PHF19: variants seen among roughly 807,000 people sequenced by gnomAD.
PHF19 encodes the protein PHD finger protein 19.
In PHF19, 21 loss-of-function variants were observed where a neutral mutation model predicts 79.8. That is an observed-to-expected ratio of 0.26 (90% CI 0.19 to 0.38). The LOEUF (loss-of-function observed/expected upper bound fraction) is 0.38, where lower values mean the gene tolerates loss of function less well. Ranked by LOEUF, PHF19 falls within the 10% of genes least tolerant of loss-of-function variation. The probability of loss-of-function intolerance (pLI) is 1.00; values close to 1 mark genes in which losing one functional copy is unlikely to be tolerated. For missense variants in PHF19, 445 were observed against 744.2 expected (o/e 0.60, Z 4.68); for synonymous variants, 273 against 296.3 (o/e 0.92, Z 0.81).
upstream of PHF19, among the ~76,000 whole-genome samples, chr9:120,898,145 C>T (rs2046416907): frequency 6.6e-6 from 1 of 152,216 alleles, no homozygotes; most frequent in African/African-American, 2.4e-5. Flanking sequence ...GAGACGAAGT[C>T]TTGCTCTGTC....
intron 3 of PHF19, among the ~76,000 whole-genome samples, chr9:120,872,037 CAAAAAAAAAA>C (rs1170243737): frequency 0.054 from 1,631 of 30,216 alleles, 29 homozygotes; most frequent in African/African-American, 0.18. Flanking sequence ...GACTCTGTCT[CAAAAAAAAAA>C]AAAAAAAAAA....
intron 9 of PHF19, among the ~76,000 whole-genome samples, chr9:120,864,806 A>T (rs2045648568): frequency 6.6e-6 from 1 of 152,216 alleles, no homozygotes; most frequent in Non-Finnish European, 1.5e-5. Context: ...AAACAGAAAA[A>T]GATATACATA....
At chr9:120,880,580 G>T (rs1373563799), upstream of PHF19, among the ~76,000 whole-genome samples, 1 of 152,202 alleles carries the variant, frequency 6.6e-6, no homozygotes, top group Non-Finnish European at 1.5e-5. Context: ...AACTAAGTCT[G>T]CAGCCTCAAC....
chr9:120,895,173 T>A (rs2046390170), upstream of PHF19, among the ~76,000 whole-genome samples: 1 of 152,160 alleles, frequency 6.6e-6, no homozygotes, highest in African/African-American at 2.4e-5. Flanking sequence ...CCACGTCCAG[T>A]GCTCTTTCTA....
chr9:120,893,305 C>A (rs1448029046), intron 1 of PHF19, among the ~76,000 whole-genome samples: 1 of 152,176 alleles, frequency 6.6e-6, no homozygotes, highest in East Asian at 1.9e-4. Flanking sequence ...AATGGGGAGG[C>A]CTTCCAGAAG....
At chr9:120,873,833 A>T (rs1047388177) in intron 3 of PHF19, 146 bp downstream of exon 3, 22 of 618,594 alleles carry the variant, frequency 3.6e-5, no homozygotes, top group Non-Finnish European at 5.9e-5. Context: ...ACCAGATTTG[A>T]TCATCATCAC....
Position 120,857,165 on chromosome 9 carries a change from G to A in PHF19, c.*779C>T, listed in dbSNP as rs559315528. The A allele has an allele frequency of 7.1e-5, 10 of 141,274 alleles. No homozygotes were observed. In the South Asian group the frequency reaches 2.1e-3, roughly 29 times the overall value. The allele number at this position is 141,274 out of a possible 1,614,324, so 8.8% of individuals were successfully genotyped here. A position where few individuals can be genotyped will look rare whatever the true frequency, so the allele number is the denominator to read the frequency against. On this transcript the variant is annotated 3_prime_UTR_variant, in exon 15 of 15. Transcript: ENST00000373896. ...CCACCCCCGTCCCCCAGGTTTGGAAGGATGCCTCCATTCCAGCAAGGCCAG... is the reference window on the plus strand; with the variant it reads ...CCACCCCCGTCCCCCAGGTTTGGAAAGATGCCTCCATTCCAGCAAGGCCAG...
rs77271979 is a variant in PHF19 at position 120,861,738 on chromosome 9, A to C, written c.1218+180T>G. 4.8e-4 allele frequency among the ~76,000 whole-genome samples: 73 copies of C among 152,204 alleles called. No individual in the cohort carries two copies. In the East Asian group the frequency reaches 0.014, roughly 29 times the overall value. On this transcript the variant is annotated intron_variant, in intron 12 of 14. Coordinates refer to ENST00000373896, the MANE Select transcript of PHF19 (RefSeq NM_015651.3). ...CCCCCAACTTTGGATTCCTGGGAGAACTTGGGGGGAGATAAAGCAGGGGTC... is the reference window on the plus strand; with the variant it reads ...CCCCCAACTTTGGATTCCTGGGAGACCTTGGGGGGAGATAAAGCAGGGGTC...
Position 120,861,086 on chromosome 9 carries a change from T to C in PHF19, c.1304+3A>G. The C allele has an allele frequency of 2.6e-6, 4 of 1,564,072 alleles. No individual in the cohort carries two copies. The highest frequency in any genetic ancestry group is 3.5e-6 in the Non-Finnish European group (4 of 1,134,364). ...ACCTCTGTGCTAGGTCCCTCACTGA[T>C]ACCTTTTTAAACTTTGAATTTCATC... is the stretch of plus-strand genomic sequence containing the variant. On this transcript the variant is annotated splice_donor_region_variant and intron_variant, in intron 13 of 14. Transcript: ENST00000373896.
At position 120,869,834 on chromosome 9, in the gene PHF19, G is replaced by A. The variant is rs776113476; in HGVS notation, c.465+11C>T. The A allele has an allele frequency of 1.9e-6, 3 of 1,612,732 alleles. No homozygotes were observed. The highest frequency in any genetic ancestry group is 2.5e-6 in the Non-Finnish European group (3 of 1,179,604). On this transcript the variant is annotated intron_variant, in intron 5 of 14. Coordinates refer to ENST00000373896, the MANE Select transcript of PHF19 (RefSeq NM_015651.3). This position sits in a 1 kb window ranked among gnomAD's most constrained non-coding sequence, Gnocchi z 5.8. ...AGGAGAGGCAGGGACTGGGGAGGATGGAAGGCTCACCCGCACAGCCAGTGC... is the reference window on the plus strand; with the variant it reads ...AGGAGAGGCAGGGACTGGGGAGGATAGAAGGCTCACCCGCACAGCCAGTGC...
At position 120,855,796 on chromosome 9, in the gene PHF19, T is replaced by C. The variant is rs1322608937; in HGVS notation, c.*2148A>G. ...GGTCAGTTGGCAGTAATGCAGCTAT[T>C]ATCTGGTATGAATGAAATGCTGGGG... On this transcript the variant is annotated 3_prime_UTR_variant, in exon 15 of 15. Coordinates refer to ENST00000373896, the MANE Select transcript of PHF19 (RefSeq NM_015651.3). 6.5e-6 allele frequency: 1 copy of C among 152,700 alleles called. No individual in the cohort carries two copies. Among genetic ancestry groups the C allele is most frequent in the African/African-American group, 2.4e-5 (1 of 41,466 alleles). 9.5% of individuals were successfully genotyped at this position (152,700 alleles called of 1,614,324 possible).
Position 120,870,395 on chromosome 9 carries a change from G to A in PHF19, c.364+48C>T, listed in dbSNP as rs565899025. 8.6e-6 allele frequency: 10 copies of A among 1,163,266 alleles called. No individual in the cohort carries two copies. In the African/African-American group the frequency reaches 1.1e-4, roughly 12 times the overall value. 72.1% of individuals were successfully genotyped at this position (1,163,266 alleles called of 1,614,324 possible). On this transcript the variant is annotated intron_variant, in intron 4 of 14. Transcript: ENST00000373896. The surrounding 1 kb of genome is among the most constrained non-coding windows in gnomAD (Gnocchi z 4.4). Reference sequence around the variant, plus strand: ...AGTACCCGTCAGGGGCCAGTGCGTGGGGACCTATAGGTCGGGGCCTTCTCA... The same window carrying A: ...AGTACCCGTCAGGGGCCAGTGCGTGAGGACCTATAGGTCGGGGCCTTCTCA...
At chr9:120,887,639 CACACACACACACAG>C (rs879424275) in intron 1 of PHF19, among the ~76,000 whole-genome samples, 11,769 of 114,734 alleles carry the variant, frequency 0.1, 589 homozygotes, top group South Asian at 0.26. Context: ...CACACACACA[CACACACACACACAG>C]ACACACACAC....
intron 1 of PHF19, among the ~76,000 whole-genome samples, chr9:120,885,774 A>T (rs538044194): frequency 6.6e-6 from 1 of 152,240 alleles, no homozygotes; most frequent in African/African-American, 2.4e-5. Flanking sequence ...AATTGCCAAA[A>T]TTTATTTTAA....
chr9:120,887,073 A>G (rs2416802), intron 1 of PHF19, among the ~76,000 whole-genome samples: 2 of 144,356 alleles, frequency 1.4e-5, no homozygotes, highest in South Asian at 2.2e-4. Flanking sequence ...CTAAAAAAAA[A>G]AAAAGAAAAG....
At position 120,874,580 on chromosome 9, in the gene PHF19, C is replaced by G. The variant is rs1393238815; in HGVS notation, c.162G>C (p.Leu54=). The G allele has an allele frequency of 6.2e-7, 1 of 1,612,510 alleles. No homozygotes were observed. Among genetic ancestry groups the G allele is most frequent in the Non-Finnish European group, 8.5e-7 (1 of 1,178,652 alleles). The change falls in exon 2 of 15, where the codon CTG becomes CTC. Residue 54 remains leucine, a synonymous_variant. Transcript: ENST00000373896. This position sits in a 1 kb window ranked among gnomAD's most constrained non-coding sequence, Gnocchi z 4.5. ...QYVLCRWTDG[L]YYLGKIKRVS... ...CCCTCTTGATCTTCCCGAGGTAGTACAGGCCATCTGTCCACCGGCACAGCA... is the reference window on the plus strand; with the variant it reads ...CCCTCTTGATCTTCCCGAGGTAGTAGAGGCCATCTGTCCACCGGCACAGCA...
intron 1 of PHF19, among the ~76,000 whole-genome samples, chr9:120,887,651 CAG>C (rs1216333472): frequency 0.084 from 2,690 of 32,126 alleles, 99 homozygotes; most frequent in African/African-American, 0.22. Flanking sequence ...CACACACACA[CAG>C]ACACACACAC....
upstream of PHF19, chr9:120,877,361 A>T: frequency 4.1e-6 from 4 of 979,932 alleles, no homozygotes; most frequent in Non-Finnish European, 4.8e-6. Flanking sequence ...CGTCCCGCTT[A>T]TGTAATTAGC....
chr9:120,895,693 C>T (rs1241001901), upstream of PHF19, among the ~76,000 whole-genome samples: 1 of 151,966 alleles, frequency 6.6e-6, no homozygotes. Flanking sequence ...CAAGTTCTCA[C>T]CAAGGCTGGA....
Sources: allele counts gnomAD v4.1 joint callset (sites outside exome capture counted in the v4.1 genomes callset), GRCh38; gene constraint gnomAD v4.1.1; non-coding constraint Gnocchi (gnomAD v3.1); transcripts MANE v1.5; gene names NCBI Gene and HGNC (gene_info 2026-07-23, HGNC 2026-07-21).